The following IPMK variants were observed in gnomAD, a reference collection of about 807,000 sequenced individuals.
IPMK encodes the protein inositol 1,3,4,6-tetrakisphosphate 5-kinase.
IPMK carries 17 observed loss-of-function variants against 45.8 expected under a neutral mutation model. The ratio of observed to expected loss-of-function variants is 0.37; its 90% CI spans 0.25 to 0.56. The LOEUF (loss-of-function observed/expected upper bound fraction) is 0.56, where lower values mean the gene tolerates loss of function less well. Ranked by LOEUF, IPMK falls within the 20% of genes least tolerant of loss-of-function variation. The pLI is 0.79. For synonymous variants in IPMK, 180 were observed against 184.3 expected, an observed-to-expected ratio of 0.98 and a Z score of 0.19; for missense variants, 399 against 498.0, an observed-to-expected ratio of 0.80 and a Z score of 1.89.
intron 3 of IPMK, among the ~76,000 whole-genome samples, chr10:58,218,962 T>C (rs1164002333): frequency 6.6e-6 from 1 of 152,218 alleles, no homozygotes; most frequent in East Asian, 1.9e-4. Context: ...CCTCACACTA[T>C]AATAAATTGA....
intron 4 of IPMK, among the ~76,000 whole-genome samples, chr10:58,207,777 C>A (rs56408955): frequency 0.025 from 3,818 of 152,230 alleles, 177 homozygotes; most frequent in African/African-American, 0.088. Flanking sequence ...CCTAGGATTT[C>A]TTTGCGTTTC....
chr10:58,199,364 G>T, intron 4 of IPMK, 43 bp from the exon 5 acceptor site: 2 of 1,329,050 alleles, frequency 1.5e-6, no homozygotes, highest in South Asian at 1.4e-5. Context: ...AATACTCCTT[G>T]ACCATGTGGG....
chr10:58,247,473 C>T (rs1838818562), intron 1 of IPMK, among the ~76,000 whole-genome samples: 1 of 151,398 alleles, frequency 6.6e-6, no homozygotes, highest in Non-Finnish European at 1.5e-5. Flanking sequence ...TACTATGCAG[C>T]CATAAAAAAT....
At chr10:58,253,419 CCTTT>C (rs1447854368) in intron 1 of IPMK, among the ~76,000 whole-genome samples, 2 of 152,126 alleles carry the variant, frequency 1.3e-5, no homozygotes, top group African/African-American at 2.4e-5. Context: ...CTTTATCCTT[CCTTT>C]GTGTTTGAAA....
intron 3 of IPMK, among the ~76,000 whole-genome samples, chr10:58,219,313 C>A (rs990073228): frequency 1.3e-5 from 2 of 152,082 alleles, no homozygotes; most frequent in African/African-American, 2.4e-5. Flanking sequence ...TGAAAGAATG[C>A]GATACCATGT....
chr10:58,220,161 T>C (rs1838310174), intron 3 of IPMK, among the ~76,000 whole-genome samples: 1 of 152,136 alleles, frequency 6.6e-6, no homozygotes, highest in South Asian at 2.1e-4. Context: ...GGGTGACTGG[T>C]ACTGTAACAT....
intron 1 of IPMK, among the ~76,000 whole-genome samples, chr10:58,248,407 C>T (rs868811050): frequency 6.6e-6 from 1 of 151,802 alleles, no homozygotes; most frequent in Non-Finnish European, 1.5e-5. Context: ...CTGCAGAAGG[C>T]ATTTTCTAAA....
intron 2 of IPMK, among the ~76,000 whole-genome samples, chr10:58,228,334 T>C (rs192771804): frequency 8.5e-4 from 129 of 151,194 alleles, no homozygotes; most frequent in Middle Eastern, 3.4e-3. Context: ...TTAAGTAAGA[T>C]ACATATGTGT....
intron 1 of IPMK, among the ~76,000 whole-genome samples, chr10:58,242,752 A>G (rs760984042): frequency 2.6e-5 from 4 of 152,166 alleles, no homozygotes; most frequent in Admixed American, 6.5e-5. Flanking sequence ...GTCTATGATA[A>G]CTATCTGATA....
intron 4 of IPMK, among the ~76,000 whole-genome samples, chr10:58,203,840 C>A (rs1047347746): frequency 6.6e-6 from 1 of 152,150 alleles, no homozygotes; most frequent in Admixed American, 6.5e-5. Context: ...CCAGAGAAAC[C>A]TTTCATTTAA....
At chr10:58,205,053 T>C (rs1838052010) in intron 4 of IPMK, among the ~76,000 whole-genome samples, 1 of 152,140 alleles carries the variant, frequency 6.6e-6, no homozygotes, top group Non-Finnish European at 1.5e-5. Context: ...GTTTGACCCC[T>C]TCCTTAAAGC....
At chr10:58,253,960 A>AT (rs1455964278) in intron 1 of IPMK, among the ~76,000 whole-genome samples, 5 of 151,474 alleles carry the variant, frequency 3.3e-5, no homozygotes, top group Admixed American at 3.3e-4. Flanking sequence ...TGTTTTGAGT[A>AT]TTTTTTCTCT....
At chr10:58,200,878 TA>T (rs1355419852) in intron 4 of IPMK, among the ~76,000 whole-genome samples, 7 of 152,206 alleles carry the variant, frequency 4.6e-5, no homozygotes, top group Admixed American at 1.3e-4. Context: ...GCACATGTGA[TA>T]TTTTTTTACA....
chr10:58,237,697 G>T, intron 2 of IPMK, 32 bp downstream of exon 2: 1 of 1,517,286 alleles, frequency 6.6e-7, no homozygotes, highest in Non-Finnish European at 9.1e-7. Context: ...AAAACACTTT[G>T]AAGACAACAA....
At chr10:58,207,255 G>A (rs894064757) in intron 4 of IPMK, among the ~76,000 whole-genome samples, 13 of 152,272 alleles carry the variant, frequency 8.5e-5, no homozygotes, top group Admixed American at 5.2e-4. Context: ...CGCCTGCCTC[G>A]GCCTCCCGAA....
chr10:58,239,916 G>A (rs1180481787), intron 1 of IPMK, among the ~76,000 whole-genome samples: 2 of 152,136 alleles, frequency 1.3e-5, no homozygotes, highest in East Asian at 1.9e-4. Flanking sequence ...ACAGGAAAGG[G>A]CATGTACTGC....
At chr10:58,252,503 T>TA (rs1838897654) in intron 1 of IPMK, among the ~76,000 whole-genome samples, 1 of 151,656 alleles carries the variant, frequency 6.6e-6, no homozygotes, top group South Asian at 2.1e-4. Context: ...GTTCTGTAGG[T>TA]AAATTATATG....
At chr10:58,215,860 T>C (rs1361194780) in intron 4 of IPMK, among the ~76,000 whole-genome samples, 2 of 152,110 alleles carry the variant, frequency 1.3e-5, no homozygotes, top group Non-Finnish European at 2.9e-5. Flanking sequence ...AAGACTTCTT[T>C]AAAACAAAAT....
chr10:58,235,433 T>C lies in IPMK; in HGVS notation c.276+2296A>G, dbSNP rs973745346. On this transcript the variant is annotated intron_variant, in intron 2 of 5. Coordinates refer to ENST00000373935, the MANE Select transcript of IPMK (RefSeq NM_152230.5). Reference sequence around the variant, plus strand: ...AACCAACCCAAATGTCCCTCAATGATAGACTGGATTAAGAAAATGTGGCCC... The same window carrying C: ...AACCAACCCAAATGTCCCTCAATGACAGACTGGATTAAGAAAATGTGGCCC... 1.2e-4 allele frequency among the ~76,000 whole-genome samples: 18 copies of C among 152,278 alleles called. 1 individual carries two copies. The East Asian group carries it at 1.5e-3, about 13-fold the overall frequency.
Sources: allele counts gnomAD v4.1 joint callset (sites outside exome capture counted in the v4.1 genomes callset), GRCh38; gene constraint gnomAD v4.1.1; transcripts MANE v1.5; gene names NCBI Gene and HGNC (gene_info 2026-07-23, HGNC 2026-07-21).